SLC9B1: variants seen among roughly 807,000 people sequenced by gnomAD.
SLC9B1 encodes the protein solute carrier family 9 member B1, also known as sodium/hydrogen exchanger 9B1.
A neutral mutation model predicts 51.7 loss-of-function variants in SLC9B1; 32 were observed. That is an observed-to-expected ratio of 0.62 (90% CI 0.47 to 0.83). The LOEUF is 0.83. Ranked by LOEUF, SLC9B1 falls within the 40% of genes least tolerant of loss-of-function variation. SLC9B1 has a pLI of 0.00. For synonymous variants in SLC9B1, 145 were observed against 212.7 expected, an observed-to-expected ratio of 0.68 and a Z score of 2.77; for missense variants, 406 against 613.2, an observed-to-expected ratio of 0.66 and a Z score of 3.57.
chr4:102,957,959 T>C (rs1737894156), intron 3 of SLC9B1, among the ~76,000 whole-genome samples: 2 of 152,150 alleles, frequency 1.3e-5, no homozygotes, highest in South Asian at 4.1e-4. Context: ...CCAAAGTAGA[T>C]TGTAAAAAGT....
At chr4:103,003,173 T>C (rs1213920461) in intron 1 of SLC9B1, among the ~76,000 whole-genome samples, 1 of 152,184 alleles carries the variant, frequency 6.6e-6, no homozygotes, top group Non-Finnish European at 1.5e-5. Flanking sequence ...TCATCTACTA[T>C]CTTGTTTCTT....
In SLC9B1 at chr4:102,989,820, A is replaced by C. The variant is rs1739852467; in HGVS notation, c.191T>G (p.Leu64Trp). The C allele has an allele frequency of 6.3e-7, 1 of 1,587,372 alleles. No homozygotes were observed. Among genetic ancestry groups the C allele is most frequent in the South Asian group, 1.1e-5 (1 of 86,958 alleles). Residue 64 changes from leucine (L) to tryptophan (W), a missense_variant, in exon 3 of 12, where the codon TTG becomes TGG. Physicochemically the swap from Leu to Trp is moderately conservative, Grantham distance 61 (BLOSUM62 -2). This residue lies in a region of SLC9B1 where 108 missense variants were observed against 94.5 expected (regional missense o/e 1.14). Coordinates refer to ENST00000296422, the MANE Select transcript of SLC9B1 (RefSeq NM_139173.4). ...CATACCATTTGTAATAATTACATTC[A>C]ATACTCCTCTTAGAGGACAAGAAAT... ...TYISCPLRGV[L>W]NVIITNGVIL... is the part of the protein sequence containing the mutation.
intron 1 of SLC9B1, among the ~76,000 whole-genome samples, chr4:103,001,122 G>A (rs1349497713): frequency 6.6e-6 from 1 of 152,204 alleles, no homozygotes; most frequent in East Asian, 1.9e-4. Flanking sequence ...TCACCCTCTT[G>A]AAGCAACAAC....
chr4:102,991,918 A>G (rs1739963240), intron 1 of SLC9B1, among the ~76,000 whole-genome samples: 1 of 152,132 alleles, frequency 6.6e-6, no homozygotes, highest in Non-Finnish European at 1.5e-5. Context: ...TAAGTTTTAA[A>G]AACCATTATC....
chr4:102,886,806 C>T (rs1349271803), intron 11 of SLC9B1, among the ~76,000 whole-genome samples: 7 of 151,868 alleles, frequency 4.6e-5, no homozygotes, highest in Admixed American at 6.6e-5. Context: ...TTAGAGATGG[C>T]GTTTTACCAT....
intron 3 of SLC9B1, among the ~76,000 whole-genome samples, chr4:102,973,714 A>G (rs1738881674): frequency 6.6e-6 from 1 of 152,218 alleles, no homozygotes; most frequent in African/African-American, 2.4e-5. Context: ...TATAATAGAA[A>G]AAAATGTAAA....
At chr4:103,015,509 T>C (rs1741271256) in intron 1 of SLC9B1, among the ~76,000 whole-genome samples, 1 of 152,188 alleles carries the variant, frequency 6.6e-6, no homozygotes, top group African/African-American at 2.4e-5. Flanking sequence ...TTCCTTGATC[T>C]CCTTAGCTCC....
chr4:103,006,817 C>T (rs776916240), intron 1 of SLC9B1, among the ~76,000 whole-genome samples: 13 of 152,154 alleles, frequency 8.5e-5, no homozygotes, highest in Non-Finnish European at 1.8e-4. Context: ...CCCTGGCATG[C>T]AAAGTTGGTT....
chr4:102,989,610 ATTTTGT>A (rs1012886930), intron 3 of SLC9B1, among the ~76,000 whole-genome samples, 184 bp downstream of exon 3: 5 of 151,902 alleles, frequency 3.3e-5, no homozygotes, highest in African/African-American at 1.2e-4. Flanking sequence ...CCTAGGCAAT[ATTTTGT>A]TTTTGTTTTT....
At chr4:102,968,464 A>G (rs1397508996) in intron 3 of SLC9B1, among the ~76,000 whole-genome samples, 2 of 152,244 alleles carry the variant, frequency 1.3e-5, no homozygotes, top group Non-Finnish European at 2.9e-5. Context: ...TATCAAAAAC[A>G]TATTCCATAA....
chr4:102,964,331 A>G (rs1738309658), intron 3 of SLC9B1, among the ~76,000 whole-genome samples: 2 of 152,136 alleles, frequency 1.3e-5, no homozygotes, highest in South Asian at 2.1e-4. Flanking sequence ...GAGAAAAAAT[A>G]TACTTCACTG....
At chr4:102,948,473 G>T (rs1167956864) in intron 4 of SLC9B1, among the ~76,000 whole-genome samples, 2 of 151,912 alleles carry the variant, frequency 1.3e-5, no homozygotes, top group Non-Finnish European at 2.9e-5. Context: ...TTTTACTCCA[G>T]AAATACAAGG....
At chr4:102,987,565 T>A (rs942713606) in intron 3 of SLC9B1, among the ~76,000 whole-genome samples, 20 of 151,254 alleles carry the variant, frequency 1.3e-4, no homozygotes, top group African/African-American at 3.4e-4. Flanking sequence ...TGATAAAAAA[T>A]TTTTTTTTGG....
chr4:102,964,399 T>TA (rs139855829), intron 3 of SLC9B1, among the ~76,000 whole-genome samples: 2,592 of 152,236 alleles, frequency 0.017, 72 homozygotes, highest in African/African-American at 0.056. Flanking sequence ...AAAACTTTAT[T>TA]AAGCAAATAG....
intron 3 of SLC9B1, among the ~76,000 whole-genome samples, chr4:102,959,892 G>A (rs1445991538): frequency 6.6e-6 from 1 of 152,102 alleles, no homozygotes; most frequent in Admixed American, 6.5e-5. Flanking sequence ...AATCTACTAA[G>A]CTTAGTCCCT....
intron 11 of SLC9B1, among the ~76,000 whole-genome samples, chr4:102,895,760 A>G (rs891086897): frequency 1.6e-4 from 25 of 152,222 alleles, no homozygotes; most frequent in Non-Finnish European, 1.2e-4. Context: ...TTAGCAAACT[A>G]TAATAAACTG....
chr4:102,917,789 G>C (rs1387589297), intron 7 of SLC9B1, among the ~76,000 whole-genome samples: 3 of 152,110 alleles, frequency 2.0e-5, no homozygotes, highest in African/African-American at 7.2e-5. Context: ...AGAGCAGAAG[G>C]CCGGGTGCAA....
chr4:102,910,524 C>G lies in SLC9B1; in HGVS notation c.1001G>C (p.Ser334Thr), dbSNP rs368756257. The G allele has an allele frequency of 1.5e-5, 24 of 1,553,348 alleles. 1 individual carries two copies. Among genetic ancestry groups the G allele is most frequent in the Non-Finnish European group, 1.8e-5 (21 of 1,153,702 alleles). ...LTMCVSAVLG[S>T]QRIGLHGSGG... The stretch of plus-strand genomic sequence containing the variant: ...AGATCCATGTAAACCAATACGTTGG[C>G]TGCCTAAGACGGCAGAAACACACAT... The change falls in exon 9 of 12, where the codon AGC (serine) becomes ACC (threonine). Residue 334 changes from serine (S) to threonine (T), a missense_variant. Physicochemically the swap from Ser to Thr is moderately conservative, Grantham distance 58. Around this residue, in one of 6 missense-constraint regions of SLC9B1, gnomAD observed 250 missense variants for 394.1 expected, o/e 0.63. Coordinates refer to ENST00000296422, the MANE Select transcript of SLC9B1 (RefSeq NM_139173.4).
At chr4:102,909,712 G>A (rs545263207) in intron 9 of SLC9B1, among the ~76,000 whole-genome samples, 2 of 152,408 alleles carry the variant, frequency 1.3e-5, no homozygotes, top group East Asian at 3.9e-4. Flanking sequence ...TTAAAAAAAT[G>A]TAAGGGGGTT....
Sources: allele counts gnomAD v4.1 joint callset (sites outside exome capture counted in the v4.1 genomes callset), GRCh38; gene constraint gnomAD v4.1.1; regional missense constraint gnomAD v4.1.1; transcripts MANE v1.5; gene names NCBI Gene and HGNC (gene_info 2026-07-23, HGNC 2026-07-21).